SCMH1: variants seen among roughly 807,000 people sequenced by gnomAD.
SCMH1 encodes the protein Scm polycomb group protein homolog 1.
Under a neutral mutation model 70.8 loss-of-function variants are expected in SCMH1, and 37 were observed. That is an observed-to-expected ratio of 0.52 (90% CI 0.40 to 0.69). The LOEUF is 0.69. SCMH1 is among the 30% of genes least tolerant of loss of function. The pLI is 0.00. For synonymous variants in SCMH1, 292 were observed against 307.4 expected (o/e 0.95, Z 0.52); for missense variants, 607 against 827.3 (o/e 0.73, Z 3.27).
chr1:41,036,404 T>C (rs771833626), intron 13 of SCMH1, among the ~76,000 whole-genome samples: 3 of 152,226 alleles, frequency 2.0e-5, no homozygotes, highest in Admixed American at 6.5e-5. Context: ...CACTCCCTTC[T>C]TCCTCACATC....
In SCMH1 at chr1:41,149,164, C is replaced by T. The variant is rs59739281; in HGVS notation, c.177+2450G>A. Among the ~76,000 whole-genome samples, 1,457 of 152,240 alleles carry T rather than the reference C, an allele frequency of 9.6e-3. 29 individuals are homozygous for T. The highest frequency in any genetic ancestry group is 0.033 in the African/African-American group (1,375 of 41,534). Reference sequence around the variant, plus strand: ...TTTTCTATCCCCCATCACTTCTCTCCTCTGGGACTCCAATTACACGTCTAT... The same window carrying T: ...TTTTCTATCCCCCATCACTTCTCTCTTCTGGGACTCCAATTACACGTCTAT... On this transcript the variant is annotated intron_variant, in intron 5 of 14. Transcript: ENST00000337495.
chr1:41,094,296 C>G (rs1004197852), intron 8 of SCMH1, among the ~76,000 whole-genome samples: 1 of 152,096 alleles, frequency 6.6e-6, no homozygotes, highest in Admixed American at 6.5e-5. Context: ...ATTACTATTA[C>G]TATAGTTGGT....
chr1:41,150,354 T>A (rs2148317579), intron 5 of SCMH1, among the ~76,000 whole-genome samples: 1 of 152,076 alleles, frequency 6.6e-6, no homozygotes, highest in Middle Eastern at 3.4e-3. Flanking sequence ...AGTACAAAAA[T>A]TAGCCAGGCA....
At chr1:41,056,776 G>C (rs973274391) in intron 10 of SCMH1, among the ~76,000 whole-genome samples, 1 of 152,216 alleles carries the variant, frequency 6.6e-6, no homozygotes, top group African/African-American at 2.4e-5. Flanking sequence ...TAAAACTCCA[G>C]GGAGTCCCAG....
intron 4 of SCMH1, among the ~76,000 whole-genome samples, chr1:41,154,799 C>T (rs978284297): frequency 1.3e-5 from 2 of 152,136 alleles, no homozygotes; most frequent in Non-Finnish European, 2.9e-5. Flanking sequence ...ATTATTCCAA[C>T]ATTATAATTC....
intron 4 of SCMH1, chr1:41,152,891 A>G (rs752399973): frequency 4.2e-6 from 3 of 713,896 alleles, no homozygotes; most frequent in Non-Finnish European, 6.6e-6. Flanking sequence ...TTTGGCCAGA[A>G]ATCACAGTCA....
intron 2 of SCMH1, among the ~76,000 whole-genome samples, chr1:41,163,915 C>T (rs1425714268): frequency 2.6e-5 from 4 of 152,138 alleles, no homozygotes; most frequent in Admixed American, 6.5e-5. Context: ...CACCCACTTT[C>T]TACTTTATAA....
At chr1:41,034,006 A>C (rs768589033) in intron 13 of SCMH1, 13 of 1,613,974 alleles carry the variant, frequency 8.1e-6, no homozygotes, top group Non-Finnish European at 4.2e-6. Context: ...TAGTTTCCAA[A>C]ATGATTCCAT....
At chr1:41,115,812 A>G (rs950973114) in intron 7 of SCMH1, among the ~76,000 whole-genome samples, 8 of 152,156 alleles carry the variant, frequency 5.3e-5, no homozygotes, top group African/African-American at 1.9e-4. Flanking sequence ...AAATTAAAAA[A>G]TTTGTTTTCC....
At chr1:41,202,821 C>T (rs1165881869) in intron 1 of SCMH1, among the ~76,000 whole-genome samples, 1 of 152,120 alleles carries the variant, frequency 6.6e-6, no homozygotes, top group Admixed American at 6.6e-5. Flanking sequence ...TATGCCTCTC[C>T]TACTACCCTT....
Position 41,075,468 on chromosome 1 carries a change from C to A in SCMH1, c.746-17G>T. The A allele has an allele frequency of 1.9e-6, 3 of 1,595,596 alleles. No homozygotes were observed. The South Asian group carries it at 3.3e-5, about 18-fold the overall frequency. ...GAATCACAACTGCAAGAAAAAGACT[C>A]ATTCTATCACCCTCCCTCCCCCCTG... On this transcript the variant is annotated splice_polypyrimidine_tract_variant and intron_variant, in intron 8 of 14. Transcript: ENST00000337495.
Position 41,195,131 on chromosome 1 carries a change from C to CAAA in SCMH1, c.-117-8884_-117-8882dup, listed in dbSNP as rs35569635. On this transcript the variant is annotated intron_variant, in intron 1 of 14. Coordinates refer to ENST00000337495, the Ensembl canonical transcript of SCMH1. Reference sequence around the variant, plus strand: ...AGGCAACAAGATTGAAACTCTCTCTCAAAAAAAAAAAAAAAAAAAAAAAAA... The same window carrying CAAA: ...AGGCAACAAGATTGAAACTCTCTCTCAAAAAAAAAAAAAAAAAAAAAAAAAAAA... Among the ~76,000 whole-genome samples, 31 of 26,238 alleles carry CAAA rather than the reference C, an allele frequency of 1.2e-3. 3 individuals are homozygous for CAAA. Among genetic ancestry groups the CAAA allele is most frequent in the East Asian group, 6.4e-3 (4 of 628 alleles). 17.2% of individuals were successfully genotyped at this position (26,238 alleles called of 152,430 possible). A position where few individuals can be genotyped will look rare whatever the true frequency, so the allele number is the denominator to read the frequency against.
At chr1:41,135,692 A>T (rs1643188117) in intron 6 of SCMH1, among the ~76,000 whole-genome samples, 1 of 152,188 alleles carries the variant, frequency 6.6e-6, no homozygotes, top group African/African-American at 2.4e-5. Flanking sequence ...ATACAATTTA[A>T]AATTCAATTC....
At chr1:41,157,565 G>T (rs924665679) in intron 4 of SCMH1, among the ~76,000 whole-genome samples, 5 of 152,214 alleles carry the variant, frequency 3.3e-5, no homozygotes. Flanking sequence ...ATAAGGCAGA[G>T]AAATCAGAGG....
At chr1:41,028,537 G>A (rs1644054852) in intron 14 of SCMH1, 47 bp downstream of exon 15, 1 of 1,610,212 alleles carries the variant, frequency 6.2e-7, no homozygotes, top group Admixed American at 1.7e-5. Flanking sequence ...CACCAGGTGA[G>A]GCTCTCCACA....
In SCMH1 at chr1:41,175,236, G is replaced by T. The variant is rs912377454; in HGVS notation, c.13+10885C>A. ...CTGAGGGTCCAAATAGCACAAAAAG[G>T]TGAAGGAAGAGTGAATTATCTCGTT... On this transcript the variant is annotated intron_variant, in intron 2 of 14. Transcript: ENST00000337495. 2.0e-5 allele frequency among the ~76,000 whole-genome samples: 3 copies of T among 152,204 alleles called. No individual in the cohort carries two copies. The East Asian group carries it at 5.8e-4, about 29-fold the overall frequency.
chr1:41,180,619 A>G (rs559816941), intron 2 of SCMH1, among the ~76,000 whole-genome samples: 3 of 152,328 alleles, frequency 2.0e-5, no homozygotes, highest in South Asian at 2.1e-4. Flanking sequence ...AGAATAAAAT[A>G]CCTAGGAATC....
chr1:41,129,569 T>A (rs1674094751), intron 6 of SCMH1, among the ~76,000 whole-genome samples: 2 of 152,174 alleles, frequency 1.3e-5, no homozygotes, highest in Admixed American at 1.3e-4. Context: ...CCATTGCATC[T>A]CTCTCTCTTC....
At chr1:41,109,719 A>G (rs1668807099) in intron 8 of SCMH1, among the ~76,000 whole-genome samples, 1 of 152,216 alleles carries the variant, frequency 6.6e-6, no homozygotes, top group African/African-American at 2.4e-5. Flanking sequence ...TAAGGACTCC[A>G]GAGACACAGA....
Sources: gnomAD v4.1 joint callset for allele counts (sites outside exome capture counted in the v4.1 genomes callset) on GRCh38, gnomAD v4.1.1 for gene constraint, MANE v1.5 for transcripts, NCBI Gene and HGNC (gene_info 2026-07-23, HGNC 2026-07-21) for gene names.